Variants in TLN2 observed in about 807,000 individuals in gnomAD.
TLN2 encodes the protein talin 2.
In TLN2, 118 loss-of-function variants were observed where a neutral mutation model predicts 294.7. The observed-to-expected ratio is 0.40, with a 90% confidence interval of 0.34 to 0.47. The LOEUF (loss-of-function observed/expected upper bound fraction) is 0.47, where lower values mean the gene tolerates loss of function less well. TLN2 is among the 20% of genes least tolerant of loss of function. The probability of loss-of-function intolerance (pLI) is 0.84; values close to 1 mark genes in which losing one functional copy is unlikely to be tolerated. For missense variants in TLN2, 3,083 were observed against 3,282.2 expected (o/e 0.94, Z 1.48); for synonymous variants, 1,431 against 1,304.5 (o/e 1.10, Z -2.09).
chr15:62,740,375 A>C (rs2061259393), intron 31 of TLN2: 1 of 409,960 alleles, frequency 2.4e-6, no homozygotes, highest in Non-Finnish European at 4.4e-6. Context: ...GTTGTGAGAA[A>C]AGCACAGCTC....
chr15:62,701,170 A>G lies in TLN2; in HGVS notation c.1652A>G (p.Asp551Gly), dbSNP rs774332052. The change falls in exon 17 of 59, where the codon GAT becomes GGT. Residue 551 changes from aspartate (D) to glycine (G), a missense_variant. Coordinates refer to ENST00000636159, the MANE Select transcript of TLN2 (RefSeq NM_015059.3). Reference sequence around the variant, plus strand: ...AAACACGAAATCCATTCTCAAGTTGATGCTATCACGGCCGGAACGGCTTCA... The same window carrying G: ...AAACACGAAATCCATTCTCAAGTTGGTGCTATCACGGCCGGAACGGCTTCA... Reference protein sequence around the residue: ...ESKHEIHSQVDAITAGTASVV... With the variant: ...ESKHEIHSQVGAITAGTASVV... 3.7e-6 allele frequency: 6 copies of G among 1,614,120 alleles called. No homozygotes were observed. Among genetic ancestry groups the G allele is most frequent in the South Asian group, 1.1e-5 (1 of 91,074 alleles).
At chr15:62,769,421 T>G (rs1250378808) in intron 41 of TLN2, among the ~76,000 whole-genome samples, 1 of 152,218 alleles carries the variant, frequency 6.6e-6, no homozygotes, top group Non-Finnish European at 1.5e-5. Context: ...GCCCATGCTC[T>G]GCCCTGGCGT....
chr15:62,586,027 A>C (rs2045571542), intron 1 of TLN2, among the ~76,000 whole-genome samples: 1 of 108,630 alleles, frequency 9.2e-6, no homozygotes. Flanking sequence ...AGGCACAGAG[A>C]GGTTAAGGCA....
intron 1 of TLN2, among the ~76,000 whole-genome samples, chr15:62,552,690 A>G (rs929052405): frequency 3.3e-5 from 5 of 152,268 alleles, no homozygotes; most frequent in South Asian, 4.1e-4. Flanking sequence ...AGCTGCATTC[A>G]TACATGAGTC....
chr15:62,529,746 T>G (rs1294142902), intron 1 of TLN2, among the ~76,000 whole-genome samples: 1 of 152,228 alleles, frequency 6.6e-6, no homozygotes, highest in African/African-American at 2.4e-5. Flanking sequence ...AGTATTTTGC[T>G]TTATATTTTG....
At chr15:62,505,802 G>T (rs2039585058) in intron 1 of TLN2, among the ~76,000 whole-genome samples, 1 of 152,142 alleles carries the variant, frequency 6.6e-6, no homozygotes, top group African/African-American at 2.4e-5. Context: ...CTGTAACATA[G>T]TTTTTGACCT....
intron 23 of TLN2, 85 bp downstream of exon 23, chr15:62,716,544 G>T: frequency 6.8e-7 from 1 of 1,472,142 alleles, no homozygotes; most frequent in South Asian, 1.5e-5. Context: ...ACAAGGTGTT[G>T]ACAATATAAA....
At chr15:62,651,855 C>A in intron 5 of TLN2, 150 bp from the exon 6 acceptor site, 1 of 994,938 alleles carries the variant, frequency 1.0e-6, no homozygotes, top group Non-Finnish European at 1.4e-6. Flanking sequence ...CCCCTGAAAA[C>A]TTTGAAAGGT....
rs1367133467 is a variant in TLN2 at position 62,516,155 on chromosome 15, T to G, written c.-237-73532T>G. Among the ~76,000 whole-genome samples the G allele has an allele frequency of 2.0e-5, 3 of 152,248 alleles. No homozygotes were observed. The East Asian group carries it at 5.8e-4, about 29-fold the overall frequency. On this transcript the variant is annotated intron_variant, in intron 1 of 58. Coordinates refer to ENST00000636159, the MANE Select transcript of TLN2 (RefSeq NM_015059.3). Reference sequence around the variant, plus strand: ...GTGACTTGTGCAAGTAGAGACCATGTCTTTTGCTGCCGTTTCCGTTGCAGC... The same window carrying G: ...GTGACTTGTGCAAGTAGAGACCATGGCTTTTGCTGCCGTTTCCGTTGCAGC...
At chr15:62,837,895 C>G (rs561067372) in intron 57 of TLN2, among the ~76,000 whole-genome samples, 2 of 152,328 alleles carry the variant, frequency 1.3e-5, no homozygotes, top group East Asian at 1.9e-4. Context: ...TCTCAACTTT[C>G]TGATGGCGAA....
At chr15:62,439,898 G>C (rs2035466766) in intron 1 of TLN2, among the ~76,000 whole-genome samples, 1 of 152,176 alleles carries the variant, frequency 6.6e-6, no homozygotes, top group Non-Finnish European at 1.5e-5. Context: ...TATTTCAGCT[G>C]TCTCTGGGTT....
chr15:62,666,680 G>A (rs770342207), intron 9 of TLN2, among the ~76,000 whole-genome samples: 9 of 152,096 alleles, frequency 5.9e-5, no homozygotes, highest in South Asian at 2.1e-4. Flanking sequence ...CACTCTAGGC[G>A]TTTCCCAGCT....
At chr15:62,393,867 G>A (rs1356425096) in intron 1 of TLN2, among the ~76,000 whole-genome samples, 3 of 135,578 alleles carry the variant, frequency 2.2e-5, no homozygotes, top group East Asian at 2.1e-4. Flanking sequence ...TTTTTTTTCC[G>A]AGATGGAGTC....
intron 54 of TLN2, chr15:62,829,337 G>T (rs543114480): frequency 6.4e-4 from 98 of 152,164 alleles, no homozygotes; most frequent in African/African-American, 2.3e-3. Flanking sequence ...GGCGGAAAGC[G>T]AAGGGGAAGC....
intron 15 of TLN2, among the ~76,000 whole-genome samples, chr15:62,698,236 C>G (rs149143150): frequency 2.6e-5 from 4 of 152,320 alleles, no homozygotes; most frequent in Non-Finnish European, 5.9e-5. Flanking sequence ...TTCCTTTCCA[C>G]TGTGCTGGTC....
At chr15:62,745,631 A>G (rs544724062) in intron 32 of TLN2, among the ~76,000 whole-genome samples, 1 of 152,294 alleles carries the variant, frequency 6.6e-6, no homozygotes, top group African/African-American at 2.4e-5. Context: ...CATCTCTGAC[A>G]TTAGTAATAT....
intron 34 of TLN2, among the ~76,000 whole-genome samples, chr15:62,751,102 AT>A (rs1347260601): frequency 6.6e-6 from 1 of 152,092 alleles, no homozygotes. Context: ...TTGGCATTTG[AT>A]TAGGAAAAAA....
At chr15:62,557,932 G>A (rs1285704186) in intron 1 of TLN2, among the ~76,000 whole-genome samples, 2 of 152,198 alleles carry the variant, frequency 1.3e-5, no homozygotes, top group African/African-American at 4.8e-5. Flanking sequence ...TTGCGCCAGT[G>A]GTTCTTGGAG....
intron 1 of TLN2, among the ~76,000 whole-genome samples, chr15:62,408,365 C>T (rs754149990): frequency 9.2e-5 from 14 of 152,190 alleles, no homozygotes; most frequent in Non-Finnish European, 2.1e-4. Context: ...ACAGGGCTGC[C>T]TGGGCCCCAG....
Sources: gnomAD v4.1 joint callset for allele counts (sites outside exome capture counted in the v4.1 genomes callset) on GRCh38, gnomAD v4.1.1 for gene constraint, MANE v1.5 for transcripts, NCBI Gene and HGNC (gene_info 2026-07-23, HGNC 2026-07-21) for gene names.